The following CNGB1 variants were observed in gnomAD, a reference collection of about 807,000 sequenced individuals.
The protein encoded by CNGB1 is cyclic nucleotide-gated channel beta-1.
In CNGB1, 126 loss-of-function variants were observed where a neutral mutation model predicts 151.7. The ratio of observed to expected loss-of-function variants is 0.83; its 90% CI spans 0.72 to 0.96. The LOEUF (loss-of-function observed/expected upper bound fraction) is 0.96. Among genes scored for constraint, CNGB1 ranks in the 40% least tolerant of loss-of-function variants. The probability of loss-of-function intolerance (pLI) is 0.00; values close to 1 mark genes in which losing one functional copy is unlikely to be tolerated. For missense variants in CNGB1, 1,698 were observed against 1,627.0 expected, an observed-to-expected ratio of 1.04 and a Z score of -0.75; for synonymous variants, 623 against 635.1, an observed-to-expected ratio of 0.98 and a Z score of 0.29.
intron 29 of CNGB1, among the ~76,000 whole-genome samples, chr16:57,900,886 T>A (rs1960365303): frequency 6.6e-6 from 1 of 151,860 alleles, no homozygotes; most frequent in African/African-American, 2.4e-5. Flanking sequence ...AGAATACCTG[T>A]GTGCTGGATC....
At chr16:57,912,889 C>A in intron 24 of CNGB1, 41 bp downstream of exon 24, 1 of 1,594,236 alleles carries the variant, frequency 6.3e-7, no homozygotes, top group South Asian at 1.1e-5. Flanking sequence ...TTGTGAGTGT[C>A]ATGTGTGTGT....
chr16:57,885,580 T>TCTCTCTCTC (rs746385217), intron 32 of CNGB1, among the ~76,000 whole-genome samples: 1,579 of 56,578 alleles, frequency 0.028, 53 homozygotes, highest in Admixed American at 0.055. Flanking sequence ...CTCTCTCTCT[T>TCTCTCTCTC]TCTTTCTTTC....
rs1169639803 is a variant in CNGB1 at position 57,899,258 on chromosome 16, G to A, written c.2977-1344C>T. Among the ~76,000 whole-genome samples the A allele has an allele frequency of 5.3e-5, 8 of 152,230 alleles. No homozygotes were observed. In the South Asian group the frequency reaches 6.2e-4, roughly 12 times the overall value. Reference sequence around the variant, plus strand: ...GCCTTCCAATCCTCATGCCTTCACCGGCCCTTGTCCTGGCCAGCTACCTGT... The same window carrying A: ...GCCTTCCAATCCTCATGCCTTCACCAGCCCTTGTCCTGGCCAGCTACCTGT... On this transcript the variant is annotated intron_variant, in intron 29 of 32. Coordinates refer to ENST00000251102, the MANE Select transcript of CNGB1 (RefSeq NM_001297.5).
chr16:57,962,910 CA>C, intron 5 of CNGB1, 38 bp from the exon 6 acceptor site: 1 of 1,612,264 alleles, frequency 6.2e-7, no homozygotes. Context: ...GCAGGGAGCC[CA>C]AGGGCAGCCT....
At chr16:57,905,901 T>C (rs1218535711) in intron 25 of CNGB1, among the ~76,000 whole-genome samples, 1 of 152,234 alleles carries the variant, frequency 6.6e-6, no homozygotes, top group Non-Finnish European at 1.5e-5. Context: ...CTGTTCTTTA[T>C]AAGTTACCCA....
Position 57,958,594 on chromosome 16 carries a change from G to C in CNGB1, c.762-109C>G. ...GAAAACAAGCCTGCCAAAAGGCAGA[G>C]CCTGCCAGGAGCCAGAGCCCAGGTC... is the stretch of plus-strand genomic sequence containing the variant. On this transcript the variant is annotated intron_variant, in intron 10 of 32. Transcript: ENST00000251102. 4.1e-6 allele frequency: 4 copies of C among 971,242 alleles called. No homozygotes were observed. The East Asian group carries it at 1.0e-4, about 25-fold the overall frequency. The allele number at this position is 971,242 out of a possible 1,614,324, so 60.2% of individuals were successfully genotyped here.
chr16:57,911,456 G>A (rs993684460), intron 25 of CNGB1, among the ~76,000 whole-genome samples: 2 of 151,938 alleles, frequency 1.3e-5, no homozygotes, highest in African/African-American at 2.4e-5. Context: ...GCCCAGCTAA[G>A]TTTTGTATTT....
At chr16:57,898,135 C>G (rs568759610) in intron 29 of CNGB1, among the ~76,000 whole-genome samples, 1 of 152,284 alleles carries the variant, frequency 6.6e-6, no homozygotes, top group South Asian at 2.1e-4. Flanking sequence ...CCCATGCCCT[C>G]CATAACTGAC....
intron 13 of CNGB1, 36 bp from the exon 14 acceptor site, chr16:57,949,475 C>A: frequency 6.2e-7 from 1 of 1,612,584 alleles, no homozygotes; most frequent in Non-Finnish European, 8.5e-7. Context: ...TGAGCCCACC[C>A]GAAGCTGCCC....
At chr16:57,967,376 C>T (rs981029993) in intron 1 of CNGB1, 82 bp from the exon 2 acceptor site, 4 of 1,408,994 alleles carry the variant, frequency 2.8e-6, no homozygotes, top group African/African-American at 2.8e-5. Context: ...ATGAGTTGTA[C>T]ATTTCCTTTT....
At chr16:57,923,074 T>C (rs1567379482) in intron 18 of CNGB1, 199 bp downstream of exon 18, 1 of 471,910 alleles carries the variant, frequency 2.1e-6, no homozygotes. Context: ...GCCCAGAGGT[T>C]GAGCCCACTG....
chr16:57,919,253 G>T lies in CNGB1; in HGVS notation c.1803C>A (p.Ser601=), dbSNP rs201290058. 4.8e-5 allele frequency: 77 copies of T among 1,614,144 alleles called. No individual in the cohort carries two copies. In the African/African-American group the frequency reaches 6.3e-4, roughly 13 times the overall value. The change falls in exon 20 of 33, where the codon TCC becomes TCA. Residue 601 remains serine (S), a splice_region_variant and synonymous_variant. Transcript: ENST00000251102. The part of the protein sequence containing the change: ...VTSDEESPKP[S]PAKKAPEPAP... ...CTGGCTCTGGGGCTTTCTTGGCTGGGGCTGTGGGATGACATTGGTGACCAT... is the reference window on the plus strand; with the variant it reads ...CTGGCTCTGGGGCTTTCTTGGCTGGTGCTGTGGGATGACATTGGTGACCAT...
At chr16:57,918,108 G>GTTAT (rs35373193) in intron 20 of CNGB1, among the ~76,000 whole-genome samples, 84,468 of 142,184 alleles carry the variant, frequency 0.59, 25,689 homozygotes, top group African/African-American at 0.72. Context: ...AGATCATCTG[G>GTTAT]TTATTTATTT....
intron 25 of CNGB1, among the ~76,000 whole-genome samples, chr16:57,905,350 T>C (rs1333506643): frequency 2.7e-5 from 4 of 148,316 alleles, no homozygotes; most frequent in African/African-American, 9.8e-5. Context: ...ACCCGGCCCA[T>C]CCATTTTCCA....
intron 29 of CNGB1, among the ~76,000 whole-genome samples, chr16:57,900,750 T>C (rs1960362177): frequency 1.3e-5 from 2 of 152,130 alleles, no homozygotes; most frequent in Admixed American, 1.3e-4. Flanking sequence ...TTTGGGAAAG[T>C]GGACCCAGCG....
chr16:57,905,269 G>A (rs1960515694), intron 25 of CNGB1, among the ~76,000 whole-genome samples: 1 of 152,056 alleles, frequency 6.6e-6, no homozygotes, highest in Non-Finnish European at 1.5e-5. Context: ...CTGCCATATT[G>A]GCTTATGAAA....
At position 57,917,418 on chromosome 16, in the gene CNGB1, C is replaced by G; in HGVS notation, c.2016G>C (p.Trp672Cys). 1 of 1,614,064 alleles carries G rather than the reference C, an allele frequency of 6.2e-7. No homozygotes were observed. The highest frequency in any genetic ancestry group is 1.1e-5 in the South Asian group (1 of 91,082). The change falls in exon 21 of 33, where the codon TGG (tryptophan) becomes TGC (cysteine). Residue 672 changes from tryptophan (W) to cysteine (C), a missense_variant. Coordinates refer to ENST00000251102, the MANE Select transcript of CNGB1 (RefSeq NM_001297.5). Reference sequence around the variant, plus strand: ...GGAAGGCCCAGCGCACGGGAATCAGCCAACAGTTCCAATTCCAGGCCATCA... The same window carrying G: ...GGAAGGCCCAGCGCACGGGAATCAGGCAACAGTTCCAATTCCAGGCCATCA... ...FVVMAWNWNCWLIPVRWAFPY... is the reference protein window; with the variant it reads ...FVVMAWNWNCCLIPVRWAFPY...
rs761839551 is a variant in CNGB1 at position 57,915,259 on chromosome 16, C to G, written c.2294G>C (p.Arg765Pro). ...GCCCAGCAGTCCTACCTTTAAACAG[C>G]GGGGCAGGCGGAGGAGGGGGTTCAC... ...VGVNPLLRLP[R>P]CLKYMAFFEF... Residue 765 changes from arginine to proline, a missense_variant, in exon 23 of 33, where the codon CGC (arginine) becomes CCC (proline). Arg to Pro is a moderately radical substitution (Grantham distance 103, BLOSUM62 -2). Coordinates refer to ENST00000251102, the MANE Select transcript of CNGB1 (RefSeq NM_001297.5). 6.2e-7 allele frequency: 1 copy of G among 1,613,232 alleles called. No homozygotes were observed. The highest frequency in any genetic ancestry group is 8.5e-7 in the Non-Finnish European group (1 of 1,179,514).
At chr16:57,942,266 T>C (rs1462351076) in intron 14 of CNGB1, among the ~76,000 whole-genome samples, 1 of 151,994 alleles carries the variant, frequency 6.6e-6, no homozygotes. Context: ...GGCATCCAAA[T>C]TGGAAGGGAA....
Sources: gnomAD v4.1 joint callset for allele counts (sites outside exome capture counted in the v4.1 genomes callset) on GRCh38, gnomAD v4.1.1 for gene constraint, MANE v1.5 for transcripts, NCBI Gene and HGNC (gene_info 2026-07-23, HGNC 2026-07-21) for gene names.